The following AGT variants were observed in gnomAD, a reference collection of about 807,000 sequenced individuals.
AGT encodes angiotensinogen.
A neutral mutation model predicts 28.1 loss-of-function variants in AGT; 26 were observed. The ratio of observed to expected loss-of-function variants is 0.92; its 90% confidence interval spans 0.68 to 1.28. The LOEUF (loss-of-function observed/expected upper bound fraction) is 1.28, where lower values mean the gene tolerates loss of function less well. AGT is among the 50% of genes most tolerant of loss of function. AGT has a pLI of 0.00. For missense variants in AGT, 596 were observed against 592.3 expected (o/e 1.01, Z -0.06); for synonymous variants, 259 against 259.6 (o/e 1.00, Z 0.02).
At chr1:230,712,737 C>T (rs1332526206) in intron 1 of AGT, among the ~76,000 whole-genome samples, 2 of 152,328 alleles carry the variant, frequency 1.3e-5, no homozygotes, top group South Asian at 2.1e-4. Context: ...CAGAGACTGT[C>T]GTTTGTTCTC....
chr1:230,736,770 G>A (rs1571988656), intron 1 of AGT, among the ~76,000 whole-genome samples: 1 of 152,104 alleles, frequency 6.6e-6, no homozygotes, highest in Admixed American at 6.5e-5. Context: ...AAGCCCCAAA[G>A]CTCAGTTTCC....
At chr1:230,744,181 T>G (rs1032195014) in intron 1 of AGT, among the ~76,000 whole-genome samples, 1 of 152,150 alleles carries the variant, frequency 6.6e-6, no homozygotes, top group Non-Finnish European at 1.5e-5. Context: ...GGTGAGGAAG[T>G]GTGCAAGGCC....
At position 230,710,178 on chromosome 1, in the gene AGT, GC is replaced by G. The variant is rs1663533665; in HGVS notation, c.645del (p.Gln216ArgfsTer34). 2.5e-6 allele frequency: 4 copies of G among 1,613,950 alleles called. No homozygotes were observed. Among genetic ancestry groups the G allele is most frequent in the Non-Finnish European group, 3.4e-6 (4 of 1,180,032 alleles). On this transcript the variant is annotated frameshift_variant, in exon 2 of 5. Transcript: ENST00000366667. LOFTEE classifies it high-confidence loss of function. ...ACAGGGGTATAGAGAGCCAGGCCCT[GC>G]ACAAACGGCTGCTTCAGGTGCAGGC... ...APGLHLKQPF[V>X]QGLALYTPVV...
intron 1 of AGT, among the ~76,000 whole-genome samples, chr1:230,721,032 G>A (rs563221889): frequency 2.0e-5 from 3 of 152,350 alleles, no homozygotes; most frequent in African/African-American, 7.2e-5. Context: ...CAGGTAGTGT[G>A]CCCCAAGCAA....
Position 230,704,203 on chromosome 1 carries a change from C to G in AGT, c.1232G>C (p.Arg411Thr). 6.2e-7 allele frequency: 1 copy of G among 1,614,248 alleles called. No individual in the cohort carries two copies. The highest frequency in any genetic ancestry group is 8.5e-7 in the Non-Finnish European group (1 of 1,180,046). ...CAGGCTCACACATACCTCCCCCACC[C>G]TGATGCGGTCATTGCTCAATTTTTG... The part of the protein sequence containing the change: ...NLQKLSNDRI[R>T]VGEVLNSIFF... Residue 411 changes from arginine to threonine, a missense_variant, in exon 4 of 5, where the codon AGG becomes ACG. Coordinates refer to ENST00000366667, the MANE Select transcript of AGT (RefSeq NM_001384479.1).
Position 230,710,796 on chromosome 1 carries a change from C to G in AGT, c.28G>C (p.Ala10Pro). The change falls in exon 2 of 5, where the codon GCC becomes CCC. Residue 10 changes from alanine to proline, a missense_variant. Physicochemically the swap from Ala to Pro is conservative, Grantham distance 27. Transcript: ENST00000366667. ...CAGGCCAGGAGGCAGAGGATGGTGG[C>G]CCTCAGGCTCACACCGGCAGGAGCC... MAPAGVSLR[A>P]TILCLLAWAG... is the part of the protein sequence containing the mutation. 2 of 1,614,066 alleles carry G rather than the reference C, an allele frequency of 1.2e-6. No individual in the cohort carries two copies. Among genetic ancestry groups the G allele is most frequent in the Non-Finnish European group, 1.7e-6 (2 of 1,180,030 alleles).
At chr1:230,736,516 C>A (rs1247122922) in intron 1 of AGT, among the ~76,000 whole-genome samples, 1 of 151,914 alleles carries the variant, frequency 6.6e-6, no homozygotes, top group East Asian at 1.9e-4. Flanking sequence ...GAGACTCCAT[C>A]TCGAAAAAAA....
At position 230,703,139 on chromosome 1, in the gene AGT, C is replaced by T; in HGVS notation, c.*2G>A. The stretch of plus-strand genomic sequence containing the variant: ...CAGGCACTGTGTTCTGGGGCCCTGG[C>T]CTCATGCTGTGCTCAGCGGGTTGGC... On this transcript the variant is annotated 3_prime_UTR_variant, in exon 5 of 5. Transcript: ENST00000366667. 1 of 1,613,390 alleles carries T rather than the reference C, an allele frequency of 6.2e-7. No individual in the cohort carries two copies. Among genetic ancestry groups the T allele is most frequent in the Non-Finnish European group, 8.5e-7 (1 of 1,180,020 alleles).
upstream of AGT, among the ~76,000 whole-genome samples, chr1:230,717,800 G>A (rs926455068): frequency 3.9e-5 from 6 of 152,092 alleles, no homozygotes; most frequent in East Asian, 1.9e-4. Context: ...TGGAGCTCTC[G>A]ATTTGTAAAA....
chr1:230,718,274 T>C (rs4492633), upstream of AGT, among the ~76,000 whole-genome samples: 27 of 152,252 alleles, frequency 1.8e-4, no homozygotes, highest in Non-Finnish European at 3.4e-4. Flanking sequence ...ATAATTTTTA[T>C]TGTATTTATA....
At chr1:230,733,700 T>C (rs1664107009) in intron 1 of AGT, among the ~76,000 whole-genome samples, 1 of 152,214 alleles carries the variant, frequency 6.6e-6, no homozygotes, top group East Asian at 1.9e-4. Context: ...AATCCAATCA[T>C]ATATTACAGG....
At chr1:230,738,616 A>G (rs1664191279) in intron 1 of AGT, among the ~76,000 whole-genome samples, 1 of 152,202 alleles carries the variant, frequency 6.6e-6, no homozygotes, top group Admixed American at 6.5e-5. Flanking sequence ...CATCCACACA[A>G]ATATTAGGTA....
intron 1 of AGT, among the ~76,000 whole-genome samples, chr1:230,713,647 C>G (rs1046292853): frequency 9.2e-5 from 14 of 152,176 alleles, no homozygotes; most frequent in African/African-American, 3.4e-4. Flanking sequence ...GTCAGGCAGT[C>G]TGTCTCGAGG....
chr1:230,717,660 G>A (rs551484236), upstream of AGT, among the ~76,000 whole-genome samples: 73 of 152,258 alleles, frequency 4.8e-4, no homozygotes, highest in Non-Finnish European at 8.8e-4. Context: ...AAGAGGGGTG[G>A]AGCCTACTGT....
intron 1 of AGT, among the ~76,000 whole-genome samples, chr1:230,724,291 T>C (rs1571983740): frequency 6.6e-6 from 1 of 152,178 alleles, no homozygotes; most frequent in Non-Finnish European, 1.5e-5. Context: ...GACAGAGGAG[T>C]TAGCTATAGA....
In AGT at chr1:230,704,222, A is replaced by C. The variant is rs759970706; in HGVS notation, c.1213T>G (p.Leu405Val). ...ILHTELNLQK[L>V]SNDRIRVGEV... ...CCCACCCTGATGCGGTCATTGCTCA[A>C]TTTTTGCAGGTTCAGCTCGGTGTGC... Residue 405 changes from leucine (L) to valine (V), a missense_variant, in exon 4 of 5, where the codon TTG becomes GTG. Physicochemically the swap from Leu to Val is conservative, Grantham distance 32. Transcript: ENST00000366667. 1 of 1,614,164 alleles carries C rather than the reference A, an allele frequency of 6.2e-7. No homozygotes were observed. The highest frequency in any genetic ancestry group is 1.1e-5 in the South Asian group (1 of 91,084).
chr1:230,745,356 T>C (rs1664331646), intron 1 of AGT, among the ~76,000 whole-genome samples: 3 of 152,182 alleles, frequency 2.0e-5, no homozygotes, highest in Admixed American at 1.3e-4. Flanking sequence ...GCAGCACCGA[T>C]TATCCTGATT....
At chr1:230,709,968 C>T in intron 2 of AGT, 27 bp downstream of exon 2, 1 of 1,614,034 alleles carries the variant, frequency 6.2e-7, no homozygotes, top group Non-Finnish European at 8.5e-7. Flanking sequence ...GTCCTAGGGC[C>T]AGAGCCAGCA....
intron 1 of AGT, among the ~76,000 whole-genome samples, chr1:230,742,211 T>C (rs1467634789): frequency 6.6e-6 from 1 of 152,192 alleles, no homozygotes; most frequent in African/African-American, 2.4e-5. Context: ...TAGATCTTTG[T>C]GTAGTTTCCG....
Sources: gnomAD v4.1 joint callset for allele counts (sites outside exome capture counted in the v4.1 genomes callset) on GRCh38, gnomAD v4.1.1 for gene constraint, MANE v1.5 for transcripts, NCBI Gene and HGNC (gene_info 2026-07-23, HGNC 2026-07-21) for gene names.